ST18: variants seen among roughly 807,000 people sequenced by gnomAD.
The protein encoded by ST18 is ST18 C2H2C-type zinc finger transcription factor.
Under a neutral mutation model 110.0 loss-of-function variants are expected in ST18, and 50 were observed. The ratio of observed to expected loss-of-function variants is 0.45; its 90% CI spans 0.36 to 0.58. The LOEUF is 0.58. ST18 is among the 20% of genes least tolerant of loss of function. ST18 has a pLI of 0.00. For synonymous variants in ST18, 461 were observed against 452.4 expected (o/e 1.02, Z -0.24); for missense variants, 1,306 against 1,280.1 (o/e 1.02, Z -0.31).
intron 9 of ST18, among the ~76,000 whole-genome samples, chr8:52,174,287 T>C (rs2066081478): frequency 6.6e-6 from 1 of 152,228 alleles, no homozygotes; most frequent in East Asian, 1.9e-4. Flanking sequence ...CAAATGAAGT[T>C]TTTCTCAATA....
At chr8:52,306,261 T>C (rs1483087790) in intron 2 of ST18, among the ~76,000 whole-genome samples, 4 of 152,216 alleles carry the variant, frequency 2.6e-5, no homozygotes, top group African/African-American at 7.2e-5. Context: ...GAGCTGAGGA[T>C]CCTCCCTAGA....
intron 2 of ST18, among the ~76,000 whole-genome samples, chr8:52,261,548 C>T (rs538088534): frequency 5.3e-5 from 8 of 152,282 alleles, no homozygotes; most frequent in South Asian, 2.1e-4. Context: ...TCAGATTTTA[C>T]GATTCTGGTT....
intron 2 of ST18, among the ~76,000 whole-genome samples, chr8:52,268,454 G>GTCTATCTATCTATCATCTATCTA: frequency 6.8e-6 from 1 of 146,810 alleles, no homozygotes; most frequent in Non-Finnish European, 1.5e-5. Context: ...TCTATCTATC[G>GTCTATCTATCTATCATCTATCTA]TCTATCTATC....
intron 2 of ST18, among the ~76,000 whole-genome samples, chr8:52,275,198 A>G (rs567374800): frequency 6.6e-6 from 1 of 152,310 alleles, no homozygotes; most frequent in South Asian, 2.1e-4. Context: ...TCAAGCAAAA[A>G]CTAAAAATAA....
chr8:52,237,847 T>TA (rs149488141), intron 2 of ST18, among the ~76,000 whole-genome samples: 1,773 of 152,154 alleles, frequency 0.012, 37 homozygotes, highest in African/African-American at 0.041. Flanking sequence ...CTAGAATAAA[T>TA]AAAACACAAT....
chr8:52,339,668 C>T (rs993458554), intron 2 of ST18, among the ~76,000 whole-genome samples: 5 of 152,236 alleles, frequency 3.3e-5, no homozygotes, highest in African/African-American at 7.2e-5. Flanking sequence ...TCACTCCTTC[C>T]GCACCATCGC....
intron 6 of ST18, among the ~76,000 whole-genome samples, chr8:52,215,138 C>G (rs990121222): frequency 6.6e-6 from 1 of 152,144 alleles, no homozygotes. Flanking sequence ...TCCTTAAATC[C>G]TGACACTAGC....
At chr8:52,139,395 G>T (rs28482106) in intron 17 of ST18, among the ~76,000 whole-genome samples, 233 of 150,054 alleles carry the variant, frequency 1.6e-3, no homozygotes, top group African/African-American at 5.5e-3. Context: ...TCGCTTTGTC[G>T]CTCAGGCTGG....
chr8:52,311,198 G>A (rs1201072994), intron 2 of ST18, among the ~76,000 whole-genome samples: 1 of 152,154 alleles, frequency 6.6e-6, no homozygotes, highest in Non-Finnish European at 1.5e-5. Flanking sequence ...GCTACCTTGT[G>A]GGCAACTGGA....
At chr8:52,158,658 A>G (rs547817406) in intron 15 of ST18, among the ~76,000 whole-genome samples, 7 of 152,092 alleles carry the variant, frequency 4.6e-5, no homozygotes, top group Non-Finnish European at 7.4e-5. Flanking sequence ...CTTCTCCCCA[A>G]ACTTTGGTAC....
intron 2 of ST18, among the ~76,000 whole-genome samples, chr8:52,271,048 G>A (rs370255504): frequency 0.038 from 5,827 of 151,732 alleles, 387 homozygotes; most frequent in African/African-American, 0.13. Context: ...ACGGGCGCCC[G>A]CCGCCACGCC....
chr8:52,240,046 G>T (rs923419814), intron 2 of ST18, among the ~76,000 whole-genome samples: 1 of 151,940 alleles, frequency 6.6e-6, no homozygotes, highest in African/African-American at 2.4e-5. Context: ...CACCCACCTC[G>T]GCCTCCCAAA....
In ST18 at chr8:52,117,380, GC is replaced by G. The variant is rs1277891276; in HGVS notation, c.2859+957del. 4.6e-5 allele frequency among the ~76,000 whole-genome samples: 7 copies of G among 152,270 alleles called. No individual in the cohort carries two copies. The East Asian group carries it at 7.7e-4, about 17-fold the overall frequency. On this transcript the variant is annotated intron_variant, in intron 24 of 25. Coordinates refer to ENST00000689386, the MANE Select transcript of ST18 (RefSeq NM_001352837.2). ...GTATTGAAATACAGCCACTCGCCCAGCCCCCTGCCATTCTAGCATACAACAC... is the reference window on the plus strand; with the variant it reads ...GTATTGAAATACAGCCACTCGCCCAGCCCCTGCCATTCTAGCATACAACAC...
chr8:52,303,215 G>T lies in ST18; in HGVS notation c.-464-73138C>A, dbSNP rs187382398. Among the ~76,000 whole-genome samples the T allele has an allele frequency of 3.9e-3, 591 of 152,326 alleles. 3 individuals carry two copies. The highest frequency in any genetic ancestry group is 0.014 in the African/African-American group (563 of 41,572). The stretch of plus-strand genomic sequence containing the variant: ...CAGCAGGACCATGCACCCTCTGAAG[G>T]CTTGGGGAAGGACACTGCCTTGCCA... On this transcript the variant is annotated intron_variant, in intron 2 of 25. Transcript: ENST00000689386.
At chr8:52,185,016 T>A (rs534848329) in intron 8 of ST18, among the ~76,000 whole-genome samples, 31 of 152,026 alleles carry the variant, frequency 2.0e-4, no homozygotes, top group African/African-American at 7.5e-4. Flanking sequence ...AAAGAAAAAA[T>A]TAAACTATTA....
intron 2 of ST18, among the ~76,000 whole-genome samples, chr8:52,352,318 A>T (rs1026844190): frequency 6.6e-6 from 1 of 152,192 alleles, no homozygotes; most frequent in African/African-American, 2.4e-5. Flanking sequence ...TCACTTGCAC[A>T]TTGTGTAATG....
chr8:52,129,179 A>T (rs1395248465), intron 22 of ST18, among the ~76,000 whole-genome samples: 1 of 152,088 alleles, frequency 6.6e-6, no homozygotes, highest in Non-Finnish European at 1.5e-5. Context: ...ATTAAATTCT[A>T]CATAGGCCAG....
intron 9 of ST18, among the ~76,000 whole-genome samples, chr8:52,173,187 T>C (rs1422031799): frequency 6.6e-6 from 1 of 152,228 alleles, no homozygotes; most frequent in Non-Finnish European, 1.5e-5. Context: ...TGTTTACCTT[T>C]GTAATTGTCA....
intron 2 of ST18, among the ~76,000 whole-genome samples, chr8:52,348,454 A>G (rs568663934): frequency 6.6e-6 from 1 of 152,376 alleles, no homozygotes; most frequent in East Asian, 1.9e-4. Flanking sequence ...TCTGACAGAT[A>G]AAACTGTGTA....
Sources: gnomAD v4.1 joint callset for allele counts (sites outside exome capture counted in the v4.1 genomes callset) on GRCh38, gnomAD v4.1.1 for gene constraint, MANE v1.5 for transcripts, NCBI Gene and HGNC (gene_info 2026-07-23, HGNC 2026-07-21) for gene names.